Variants in MAP3K15 observed in about 807,000 individuals in gnomAD.
MAP3K15 encodes the protein mitogen-activated protein kinase kinase kinase 15.
A neutral mutation model predicts 99.5 loss-of-function variants in MAP3K15; 124 were observed. The ratio of observed to expected loss-of-function variants is 1.25; its 90% CI spans 1.08 to 1.45. The LOEUF (loss-of-function observed/expected upper bound fraction) is 1.45, where lower values mean the gene tolerates loss of function less well. Among genes scored for constraint, MAP3K15 ranks in the 40% most tolerant of loss-of-function variants. The pLI is 0.00. For synonymous variants in MAP3K15, 494 were observed against 439.6 expected (o/e 1.12, Z -1.55); for missense variants, 1,242 against 1,079.7 (o/e 1.15, Z -2.11).
At chrX:19,452,812 G>A (rs769431866) in intron 6 of MAP3K15, among the ~76,000 whole-genome samples, 8 of 111,571 alleles carry the variant, frequency 7.2e-5, no homozygotes, top group Non-Finnish European at 1.3e-4. Flanking sequence ...ATACCAATGC[G>A]TAAACTTTCT....
intron 11 of MAP3K15, 41 bp from the exon 12 acceptor site, chrX:19,410,014 T>C (rs1365657707): frequency 9.1e-7 from 1 of 1,103,294 alleles, no homozygotes; most frequent in South Asian, 1.9e-5. Flanking sequence ...TTTGAGTTTT[T>C]TAAAGCAAAT....
At chrX:19,421,181 A>G (rs938936706) in intron 9 of MAP3K15, among the ~76,000 whole-genome samples, 8 of 110,918 alleles carry the variant, frequency 7.2e-5, no homozygotes, top group African/African-American at 2.6e-4. Context: ...AGTTCTGGCC[A>G]GGGTAATCAG....
rs192317188 is a variant in MAP3K15 at position 19,416,318 on chromosome X, G to A, written c.1440-1061C>T. Among the ~76,000 whole-genome samples, 88 of 109,912 alleles carry A rather than the reference G, an allele frequency of 8.0e-4. No homozygotes were observed. The Middle Eastern group carries it at 0.014, about 17-fold the overall frequency. On this transcript the variant is annotated intron_variant, in intron 9 of 28. Transcript: ENST00000338883. ...TGCACTCCAGCCTGGGCAACAGAGC[G>A]AGACTCTGTCTCAAAAACAAACAAC... is the stretch of plus-strand genomic sequence containing the variant.
intron 3 of MAP3K15, among the ~76,000 whole-genome samples, chrX:19,476,262 T>C (rs1236934598): frequency 8.9e-6 from 1 of 112,122 alleles, no homozygotes; most frequent in Non-Finnish European, 1.9e-5. Flanking sequence ...CTGAGCACTT[T>C]CAGAAGAATG....
Position 19,417,236 on chromosome X carries a change from C to G in MAP3K15, c.1440-1979G>C, listed in dbSNP as rs375293433. On this transcript the variant is annotated intron_variant, in intron 9 of 28. Coordinates refer to ENST00000338883, the MANE Select transcript of MAP3K15 (RefSeq NM_001001671.4). ...GCAGCGCACCAAGCGTGAGCTAAAG[C>G]AGGGCGAGGCACTGCCTCACCCGGG... is the stretch of plus-strand genomic sequence containing the variant. 3.6e-5 allele frequency among the ~76,000 whole-genome samples: 4 copies of G among 112,609 alleles called. No individual in the cohort carries two copies. The East Asian group carries it at 8.4e-4, about 24-fold the overall frequency.
chrX:19,416,766 G>T (rs2063739527), intron 9 of MAP3K15, among the ~76,000 whole-genome samples: 1 of 111,702 alleles, frequency 9.0e-6, no homozygotes, highest in Admixed American at 9.5e-5. Flanking sequence ...ACAAAATATT[G>T]TTTATGTTAT....
At position 19,392,490 on chromosome X, in the gene MAP3K15, C is replaced by A. The variant is rs1569208443; in HGVS notation, c.2195-17G>T. The A allele has an allele frequency of 2.5e-6, 3 of 1,194,279 alleles. No individual in the cohort carries two copies. The highest frequency in any genetic ancestry group is 2.4e-5 in the Admixed American group (1 of 41,917). On this transcript the variant is annotated splice_polypyrimidine_tract_variant and intron_variant, in intron 16 of 28. Coordinates refer to ENST00000338883, the MANE Select transcript of MAP3K15 (RefSeq NM_001001671.4). ...AAAGGCTTCCTAGAGACAGTCACAG[C>A]AAAAAACTTATCAGGAAGAGAAAGT...
chrX:19,411,583 T>C (rs903411373), intron 11 of MAP3K15, among the ~76,000 whole-genome samples: 9 of 110,134 alleles, frequency 8.2e-5, no homozygotes, highest in African/African-American at 3.0e-4. Context: ...ACAAATAAAG[T>C]AGGGAAGGGC....
At chrX:19,492,516 ACT>A (rs1343831629) in intron 1 of MAP3K15, among the ~76,000 whole-genome samples, 1 of 111,040 alleles carries the variant, frequency 9.0e-6, no homozygotes, top group Non-Finnish European at 1.9e-5. Context: ...CTGAGGAAAC[ACT>A]CTACAACCCA....
At chrX:19,453,245 A>C (rs762756756) in intron 6 of MAP3K15, among the ~76,000 whole-genome samples, 14 of 111,259 alleles carry the variant, frequency 1.3e-4, no homozygotes, top group Non-Finnish European at 2.3e-4. Context: ...TCATGTCTGT[A>C]ATCCCAGCAC....
chrX:19,372,507 G>A (rs182511262), intron 22 of MAP3K15, 146 bp downstream of exon 22: 200 of 449,313 alleles, frequency 4.5e-4, no homozygotes, highest in African/African-American at 4.4e-3. Context: ...GGAAGGGAAG[G>A]ACGTTAGGGA....
chrX:19,383,629 T>C lies in MAP3K15; in HGVS notation c.2432-3352A>G, dbSNP rs750907133. Among the ~76,000 whole-genome samples, 6 of 112,383 alleles carry C rather than the reference T, an allele frequency of 5.3e-5. No homozygotes were observed. The East Asian group carries it at 1.4e-3, about 26-fold the overall frequency. ...AATATATAAGGAGCTCACACAACTC[T>C]ATAAGAAAACATCTAATAATTAGAT... On this transcript the variant is annotated intron_variant, in intron 18 of 28. Coordinates refer to ENST00000338883, the MANE Select transcript of MAP3K15 (RefSeq NM_001001671.4).
Position 19,464,373 on chromosome X carries a change from T to C in MAP3K15, c.559A>G (p.Ile187Val). ...SSGNYYFIPY[I>V]VTPCADYFCC... ...AAATAATCAGCGCACGGTGTCACGA[T>C]GTATGGGATGAAATAATAATTTCCA... Residue 187 changes from isoleucine (I) to valine (V), a missense_variant, in exon 4 of 29, where the codon ATC becomes GTC. Physicochemically the swap from Ile to Val is conservative, Grantham distance 29. Coordinates refer to ENST00000338883, the MANE Select transcript of MAP3K15 (RefSeq NM_001001671.4). The C allele has an allele frequency of 8.4e-7, 1 of 1,190,419 alleles. No homozygotes were observed. The highest frequency in any genetic ancestry group is 1.1e-6 in the Non-Finnish European group (1 of 889,454).
chrX:19,373,818 G>C, intron 20 of MAP3K15, 123 bp from the exon 21 acceptor site: 1 of 734,393 alleles, frequency 1.4e-6, no homozygotes, highest in Non-Finnish European at 1.9e-6. Context: ...GTAGAAATGT[G>C]GGTTGGGCGG....
intron 19 of MAP3K15, among the ~76,000 whole-genome samples, chrX:19,376,332 G>A (rs987651914): frequency 1.0e-4 from 11 of 110,518 alleles, no homozygotes; most frequent in Non-Finnish European, 1.7e-4. Flanking sequence ...GTCTGCGGGC[G>A]GTCTCTGGCG....
chrX:19,386,407 G>C (rs974875132), intron 18 of MAP3K15, among the ~76,000 whole-genome samples: 3 of 111,701 alleles, frequency 2.7e-5, no homozygotes, highest in African/African-American at 9.8e-5. Context: ...ACTGAGCCAT[G>C]AACGCGCCAC....
At chrX:19,417,872 T>C (rs2063749859) in intron 9 of MAP3K15, among the ~76,000 whole-genome samples, 1 of 111,723 alleles carries the variant, frequency 9.0e-6, no homozygotes, top group South Asian at 3.7e-4. Context: ...GGCAACAACA[T>C]CTGCTGTTCA....
At chrX:19,407,118 C>T (rs1458424799) in intron 13 of MAP3K15, 70 bp downstream of exon 13, 9 of 601,215 alleles carry the variant, frequency 1.5e-5, no homozygotes, top group Admixed American at 7.8e-5. Context: ...AAATATCTTT[C>T]AGAACAAAGG....
rs372666395 is a variant in MAP3K15, at chrX:19,413,115, C to A, written c.1698+242G>T. 1.4e-3 allele frequency among the ~76,000 whole-genome samples: 137 copies of A among 99,231 alleles called. 1 individual carries two copies. The highest frequency in any genetic ancestry group is 5.0e-3 in the African/African-American group (133 of 26,787). 86.2% of individuals were successfully genotyped at this position (99,231 alleles called of 115,157 possible). On this transcript the variant is annotated intron_variant, in intron 11 of 28. Transcript: ENST00000338883. ...CTGTATTTGTTTTAATGTTTTTATA[C>A]ACACACACACACACACACACACACA...
Sources: allele counts gnomAD v4.1 joint callset (sites outside exome capture counted in the v4.1 genomes callset), GRCh38; gene constraint gnomAD v4.1.1; transcripts MANE v1.5; gene names NCBI Gene and HGNC (gene_info 2026-07-23, HGNC 2026-07-21).